The following SEMA6A variants were observed in gnomAD, a reference collection of about 807,000 sequenced individuals.
SEMA6A encodes the protein semaphorin-6A.
SEMA6A carries 25 observed loss-of-function variants against 96.8 expected under a neutral mutation model. The observed-to-expected ratio is 0.26, with a 90% CI of 0.19 to 0.36. The LOEUF is 0.36. Among genes scored for constraint, SEMA6A ranks in the 10% least tolerant of loss-of-function variants. The pLI, the probability that SEMA6A is intolerant of heterozygous loss-of-function variation, is 1.00. For missense variants in SEMA6A, 1,363 were observed against 1,323.1 expected, an observed-to-expected ratio of 1.03 and a Z score of -0.47; for synonymous variants, 612 against 518.0, an observed-to-expected ratio of 1.18 and a Z score of -2.46.
At chr5:116,479,859 G>A (rs1485494782) in intron 12 of SEMA6A, among the ~76,000 whole-genome samples, 1 of 152,132 alleles carries the variant, frequency 6.6e-6, no homozygotes. Flanking sequence ...GGATCAATGG[G>A]CTAATCCAGA....
chr5:116,524,875 T>C (rs906249844), intron 1 of SEMA6A, among the ~76,000 whole-genome samples: 1 of 150,896 alleles, frequency 6.6e-6, no homozygotes, highest in African/African-American at 2.4e-5. Flanking sequence ...ATTGGGTCAA[T>C]GACAAGGAAA....
intron 17 of SEMA6A, 119 bp downstream of exon 17, chr5:116,472,954 G>T (rs1463883172): frequency 1.1e-5 from 16 of 1,519,812 alleles, no homozygotes; most frequent in Non-Finnish European, 1.4e-5. Flanking sequence ...AAATGATGAG[G>T]ATAAAAAATT....
chr5:116,478,938 G>A (rs1349017503), intron 12 of SEMA6A, among the ~76,000 whole-genome samples: 2 of 150,542 alleles, frequency 1.3e-5, no homozygotes, highest in Non-Finnish European at 3.0e-5. Context: ...GAGTGTGTGT[G>A]TGTGTGTGTG....
chr5:116,447,243 C>T lies in SEMA6A; in HGVS notation c.2463G>A (p.Thr821=), dbSNP rs202163780. The change falls in exon 19 of 19, where the codon ACG becomes ACA. Residue 821 remains threonine (T), a synonymous_variant. Coordinates refer to ENST00000343348, the MANE Select transcript of SEMA6A (RefSeq NM_020796.5). ...HIPSVVVLPI[T]QQGYQHEYVD... ...CGTACTCATGCTGGTAGCCCTGCTG[C>T]GTGATGGGCAGGACCACCACGCTGG... The T allele has an allele frequency of 1.2e-6, 2 of 1,613,978 alleles. No individual in the cohort carries two copies. The highest frequency in any genetic ancestry group is 2.2e-5 in the East Asian group (1 of 44,876).
intron 15 of SEMA6A, among the ~76,000 whole-genome samples, chr5:116,477,124 C>T (rs1453485782): frequency 1.3e-5 from 2 of 152,186 alleles, no homozygotes; most frequent in Non-Finnish European, 2.9e-5. Context: ...CTGCCACAAC[C>T]CATCAAAGAT....
intron 1 of SEMA6A, among the ~76,000 whole-genome samples, chr5:116,511,333 A>T (rs10478302): frequency 0.12 from 17,925 of 151,810 alleles, 1,438 homozygotes; most frequent in African/African-American, 0.22. Context: ...GCAATTTTTT[A>T]AAAAAAAATT....
intron 18 of SEMA6A, among the ~76,000 whole-genome samples, chr5:116,452,185 C>A (rs551966581): frequency 6.6e-6 from 1 of 152,182 alleles, no homozygotes; most frequent in Admixed American, 6.5e-5. Context: ...TCTGCCAACC[C>A]CTGCATCCTC....
chr5:116,525,785 A>C (rs1759195398), intron 1 of SEMA6A, among the ~76,000 whole-genome samples: 1 of 152,188 alleles, frequency 6.6e-6, no homozygotes, highest in South Asian at 2.1e-4. Context: ...CTTGGCTTGT[A>C]GTTCTCTTCC....
chr5:116,478,490 C>A (rs1023032633), intron 13 of SEMA6A, 52 bp downstream of exon 13: 12 of 1,495,434 alleles, frequency 8.0e-6, no homozygotes, highest in African/African-American at 2.8e-5. Flanking sequence ...ATGAAAGGGG[C>A]CATAATAGCA....
chr5:116,552,411 T>A (rs540315257), intron 1 of SEMA6A, among the ~76,000 whole-genome samples: 12 of 152,278 alleles, frequency 7.9e-5, no homozygotes, highest in Admixed American at 7.2e-4. Context: ...CACAGAGGTC[T>A]ATGGGAATGA....
chr5:116,480,233 G>T lies in SEMA6A; in HGVS notation c.1139C>A (p.Thr380Asn). Reference sequence around the variant, plus strand: ...GGTATCATCAGGGAACTCATTGGAGGTTGCATATCTTTCTAAGGAGGATGA... The same window carrying T: ...GGTATCATCAGGGAACTCATTGGAGTTTGCATATCTTTCTAAGGAGGATGA... ...AGSSSLERYA[T>N]SNEFPDDTLN... Residue 380 changes from threonine (T) to asparagine (N), a missense_variant, in exon 12 of 19, where the codon ACC becomes AAC. By Grantham distance (65) the Thr-to-Asn change is moderately conservative. Around this residue, in one of 2 missense-constraint regions of SEMA6A, gnomAD observed 480 missense variants for 559.5 expected, o/e 0.86. Transcript: ENST00000343348. 6.2e-7 allele frequency: 1 copy of T among 1,613,846 alleles called. No homozygotes were observed. Among genetic ancestry groups the T allele is most frequent in the East Asian group, 2.2e-5 (1 of 44,882 alleles).
intron 1 of SEMA6A, among the ~76,000 whole-genome samples, chr5:116,527,246 TC>T (rs1759269678): frequency 6.6e-6 from 1 of 152,038 alleles, no homozygotes. Context: ...TATATTTTTT[TC>T]TGAACTAAAA....
chr5:116,478,759 T>C (rs907162545), intron 12 of SEMA6A, 41 bp from the exon 13 acceptor site: 4 of 1,594,494 alleles, frequency 2.5e-6, no homozygotes, highest in Non-Finnish European at 3.4e-6. Flanking sequence ...TTTGTTGGTC[T>C]ATCATTAAAG....
chr5:116,503,766 C>A (rs1051152205), intron 2 of SEMA6A, among the ~76,000 whole-genome samples: 1 of 152,124 alleles, frequency 6.6e-6, no homozygotes, highest in Non-Finnish European at 1.5e-5. Flanking sequence ...CCGCCCACCT[C>A]GGCCTCCCAA....
chr5:116,478,718 T>C lies in SEMA6A; in HGVS notation c.1251A>G (p.Arg417=). The C allele has an allele frequency of 6.2e-7, 1 of 1,611,968 alleles. No homozygotes were observed. The highest frequency in any genetic ancestry group is 1.3e-5 in the African/African-American group (1 of 74,972). Residue 417 remains arginine, a splice_region_variant and synonymous_variant, in exon 13 of 19, where the codon AGA becomes AGG. Transcript: ENST00000343348. ...NRPWFLRTMV[R]YRLTKIAVDT... is the part of the protein sequence containing the mutation. ...CCACTGCAATTTTGGTAAGGCGGTA[T>C]CTAAAATGACAGGACCACATTTCTT...
intron 16 of SEMA6A, 67 bp from the exon 17 acceptor site, chr5:116,473,160 G>A (rs1413798257): frequency 1.4e-6 from 2 of 1,481,132 alleles, no homozygotes; most frequent in Non-Finnish European, 1.8e-6. Context: ...ACTTACATAA[G>A]TGGGAATGAG....
chr5:116,523,375 G>A (rs1420331394), intron 1 of SEMA6A, among the ~76,000 whole-genome samples: 1 of 152,016 alleles, frequency 6.6e-6, no homozygotes, highest in Non-Finnish European at 1.5e-5. Context: ...GTGCAGTGAT[G>A]CAATCTCTGC....
At chr5:116,489,689 G>A (rs574453740) in intron 7 of SEMA6A, among the ~76,000 whole-genome samples, 1 of 152,304 alleles carries the variant, frequency 6.6e-6, no homozygotes, top group African/African-American at 2.4e-5. Flanking sequence ...AGGGGAAGGG[G>A]TTACGCTGAG....
chr5:116,552,098 A>G (rs961898445), intron 1 of SEMA6A, among the ~76,000 whole-genome samples: 5 of 152,096 alleles, frequency 3.3e-5, no homozygotes, highest in African/African-American at 1.2e-4. Context: ...CAGTCAAAGA[A>G]TCACTGATTA....
Sources: allele counts gnomAD v4.1 joint callset (sites outside exome capture counted in the v4.1 genomes callset), GRCh38; gene constraint gnomAD v4.1.1; regional missense constraint gnomAD v4.1.1; transcripts MANE v1.5; gene names NCBI Gene and HGNC (gene_info 2026-07-23, HGNC 2026-07-21).